The following GRIA1 variants were observed in gnomAD, a reference collection of about 807,000 sequenced individuals.
GRIA1 encodes the protein glutamate receptor 1.
In GRIA1, 31 loss-of-function variants were observed where a neutral mutation model predicts 99.2. The observed-to-expected ratio is 0.31, with a 90% CI of 0.23 to 0.42. GRIA1 has a LOEUF of 0.42. Among genes scored for constraint, GRIA1 ranks in the 10% least tolerant of loss-of-function variants. GRIA1 has a pLI of 1.00. For missense variants in GRIA1, 782 were observed against 1,157.5 expected (o/e 0.68, Z 4.71); for synonymous variants, 438 against 432.4 (o/e 1.01, Z -0.16).
intron 2 of GRIA1, chr5:153,574,469 T>C (rs771836454): frequency 6.6e-6 from 1 of 152,108 alleles, no homozygotes; most frequent in Non-Finnish European, 1.5e-5. Flanking sequence ...TTAACTTTAA[T>C]GCAAAAAAGT....
intron 2 of GRIA1, among the ~76,000 whole-genome samples, chr5:153,627,333 A>G (rs1767727119): frequency 1.3e-5 from 2 of 152,150 alleles, no homozygotes; most frequent in South Asian, 4.1e-4. Context: ...AGAGTTACTA[A>G]TTAACTTGCC....
chr5:153,642,671 G>A (rs1581388488), intron 2 of GRIA1, among the ~76,000 whole-genome samples: 1 of 151,270 alleles, frequency 6.6e-6, no homozygotes, highest in East Asian at 1.9e-4. Context: ...AGAAGAGGAA[G>A]AAAGAGAACA....
chr5:153,742,017 C>T (rs1179372095), intron 11 of GRIA1, among the ~76,000 whole-genome samples: 1 of 151,474 alleles, frequency 6.6e-6, no homozygotes, highest in Non-Finnish European at 1.5e-5. Flanking sequence ...TTTGTTATCA[C>T]TGCATAGCAT....
At chr5:153,648,129 TG>T (rs1448287151) in intron 3 of GRIA1, among the ~76,000 whole-genome samples, 17 of 152,168 alleles carry the variant, frequency 1.1e-4, no homozygotes, top group African/African-American at 3.9e-4. Context: ...ACTTTTGAGT[TG>T]GAGAGAGGTT....
At chr5:153,539,309 A>T (rs1162529011) in intron 2 of GRIA1, among the ~76,000 whole-genome samples, 1 of 152,244 alleles carries the variant, frequency 6.6e-6, no homozygotes, top group Non-Finnish European at 1.5e-5. Flanking sequence ...CATTGCATTC[A>T]TAGCGTTCTG....
chr5:153,746,701 G>T (rs560311943), intron 11 of GRIA1, among the ~76,000 whole-genome samples: 1 of 152,112 alleles, frequency 6.6e-6, no homozygotes, highest in Admixed American at 6.5e-5. Flanking sequence ...CATATGTTTT[G>T]GTATTATGGG....
chr5:153,669,061 A>G (rs1755960400), intron 5 of GRIA1, among the ~76,000 whole-genome samples: 1 of 152,216 alleles, frequency 6.6e-6, no homozygotes, highest in Non-Finnish European at 1.5e-5. Context: ...TCTCTTAACC[A>G]TAGCTCCTTA....
intron 2 of GRIA1, among the ~76,000 whole-genome samples, chr5:153,580,375 T>C (rs1257097822): frequency 6.6e-6 from 1 of 152,216 alleles, no homozygotes; most frequent in Non-Finnish European, 1.5e-5. Context: ...ATTTACCTTC[T>C]TTAAAATTGG....
At chr5:153,584,668 C>T (rs1433732398) in intron 2 of GRIA1, among the ~76,000 whole-genome samples, 1 of 152,142 alleles carries the variant, frequency 6.6e-6, no homozygotes. Flanking sequence ...CTCCTTTATT[C>T]CCACCTTTCT....
Position 153,581,159 on chromosome 5 carries a change from G to T in GRIA1, c.221-65769G>T, listed in dbSNP as rs115397950. Among the ~76,000 whole-genome samples, 581 of 152,320 alleles carry T rather than the reference G, an allele frequency of 3.8e-3. 3 individuals are homozygous for T. Among genetic ancestry groups the T allele is most frequent in the Middle Eastern group, 6.8e-3 (2 of 294 alleles). ...AATCATCACTTGTCACAGTAACACA[G>T]TATTGTATTTAGTTACATTGACAGC... is the stretch of plus-strand genomic sequence containing the variant. On this transcript the variant is annotated intron_variant, in intron 2 of 15. Transcript: ENST00000285900.
chr5:153,785,880 T>A (rs2149646098), intron 13 of GRIA1, among the ~76,000 whole-genome samples: 1 of 152,346 alleles, frequency 6.6e-6, no homozygotes, highest in East Asian at 1.9e-4. Flanking sequence ...CAGCAATCTG[T>A]GTCCCTGTGG....
intron 2 of GRIA1, among the ~76,000 whole-genome samples, chr5:153,614,362 A>G (rs537720024): frequency 6.6e-6 from 1 of 152,356 alleles, no homozygotes; most frequent in East Asian, 1.9e-4. Context: ...TAGCAATCAT[A>G]AAGTGACAGT....
At chr5:153,649,739 G>A (rs1365474799) in intron 3 of GRIA1, among the ~76,000 whole-genome samples, 3 of 152,198 alleles carry the variant, frequency 2.0e-5, no homozygotes, top group African/African-American at 7.2e-5. Context: ...TGGGATTACA[G>A]GCGTGAGCCA....
intron 2 of GRIA1, among the ~76,000 whole-genome samples, chr5:153,565,652 C>G (rs1761548127): frequency 6.6e-6 from 1 of 152,174 alleles, no homozygotes; most frequent in African/African-American, 2.4e-5. Context: ...CCTTCTATTT[C>G]TGTAGATTTG....
chr5:153,723,811 G>A (rs1467930324), intron 11 of GRIA1, among the ~76,000 whole-genome samples: 1 of 151,826 alleles, frequency 6.6e-6, no homozygotes, highest in Non-Finnish European at 1.5e-5. Context: ...CACCTCTGGG[G>A]GCAGGGCACA....
chr5:153,656,086 A>G (rs1227655090), intron 5 of GRIA1, among the ~76,000 whole-genome samples: 1 of 152,152 alleles, frequency 6.6e-6, no homozygotes, highest in East Asian at 1.9e-4. Flanking sequence ...CTTCCTTGGA[A>G]GAGAGCATAC....
At chr5:153,507,585 T>C (rs770586445) in intron 2 of GRIA1, among the ~76,000 whole-genome samples, 3 of 152,230 alleles carry the variant, frequency 2.0e-5, no homozygotes, top group Non-Finnish European at 4.4e-5. Context: ...CAATATTATG[T>C]GTTGATTTCA....
chr5:153,762,757 C>T (rs1763269328), intron 11 of GRIA1, among the ~76,000 whole-genome samples: 1 of 152,184 alleles, frequency 6.6e-6, no homozygotes, highest in Admixed American at 6.5e-5. Context: ...AAATGGTTCA[C>T]TACTTGAACA....
intron 2 of GRIA1, among the ~76,000 whole-genome samples, chr5:153,553,668 G>A (rs886126388): frequency 1.3e-5 from 2 of 152,108 alleles, no homozygotes; most frequent in African/African-American, 2.4e-5. Context: ...ACCAGTATTC[G>A]TAGAACCATA....
Sources: allele counts gnomAD v4.1 joint callset (sites outside exome capture counted in the v4.1 genomes callset), GRCh38; gene constraint gnomAD v4.1.1; transcripts MANE v1.5; gene names NCBI Gene and HGNC (gene_info 2026-07-23, HGNC 2026-07-21).